RBFOX1: variants seen among roughly 807,000 people sequenced by gnomAD.
RBFOX1 encodes RNA binding protein fox-1 homolog 1.
In RBFOX1, 8 loss-of-function variants were observed where a neutral mutation model predicts 57.7. That is an observed-to-expected ratio of 0.14 (90% confidence interval 0.08 to 0.25). The LOEUF (loss-of-function observed/expected upper bound fraction) is 0.25. Among genes scored for constraint, RBFOX1 ranks in the 10% least tolerant of loss-of-function variants. The pLI, the probability that RBFOX1 is intolerant of heterozygous loss-of-function variation, is 1.00. For missense variants in RBFOX1, 611 were observed against 548.5 expected (o/e 1.11, Z -1.14); for synonymous variants, 326 against 222.4 (o/e 1.47, Z -4.15).
rs562173956 is a variant in RBFOX1 at position 7,034,793 on chromosome 16, C to G, written c.-15-17264C>G. Reference sequence around the variant, plus strand: ...CTCAGAAAATGCAATTTCTAATTCACTTGGTCTGGGGTGGAGTCTAAGATA... The same window carrying G: ...CTCAGAAAATGCAATTTCTAATTCAGTTGGTCTGGGGTGGAGTCTAAGATA... On this transcript the variant is annotated intron_variant, in intron 3 of 15. Transcript: ENST00000550418. Among the ~76,000 whole-genome samples the G allele has an allele frequency of 3.4e-4, 48 of 139,832 alleles. No homozygotes were observed. The South Asian group carries it at 0.011, about 33-fold the overall frequency. The allele number at this position is 139,832 out of a possible 152,430, so 91.7% of individuals were successfully genotyped here. A position where few individuals can be genotyped will look rare whatever the true frequency, so the allele number is the denominator to read the frequency against.
At chr16:5,823,206 T>C (rs562616577) in intron 3 of RBFOX1, among the ~76,000 whole-genome samples, 1 of 152,298 alleles carries the variant, frequency 6.6e-6, no homozygotes, top group Admixed American at 6.5e-5. Context: ...AGTGAGTGGA[T>C]GAACACCCAT....
chr16:7,464,857 T>C (rs113486967), intron 4 of RBFOX1, among the ~76,000 whole-genome samples: 3 of 151,720 alleles, frequency 2.0e-5, no homozygotes, highest in African/African-American at 4.8e-5. Context: ...CCACCACGCC[T>C]GGCTAATTTT....
intron 1 of RBFOX1, among the ~76,000 whole-genome samples, chr16:6,188,522 T>C (rs2097121981): frequency 6.6e-6 from 1 of 151,116 alleles, no homozygotes; most frequent in Non-Finnish European, 1.5e-5. Flanking sequence ...CGCAAAGAGG[T>C]GTATGAAACC....
intron 3 of RBFOX1, among the ~76,000 whole-genome samples, chr16:6,792,377 A>T (rs2083140033): frequency 6.6e-6 from 1 of 152,224 alleles, no homozygotes; most frequent in African/African-American, 2.4e-5. Context: ...GCATATCTTT[A>T]TGCAGAATTA....
chr16:6,603,540 C>G (rs2097883091), intron 2 of RBFOX1, among the ~76,000 whole-genome samples: 1 of 152,152 alleles, frequency 6.6e-6, no homozygotes, highest in Admixed American at 6.5e-5. Flanking sequence ...ACATGCATGC[C>G]TTAGCCCCAC....
At chr16:5,982,539 G>C (rs528311577) in intron 4 of RBFOX1, among the ~76,000 whole-genome samples, 2 of 152,120 alleles carry the variant, frequency 1.3e-5, no homozygotes, top group African/African-American at 2.4e-5. Flanking sequence ...GCCTCCCAAA[G>C]TGCTGGGATT....
At chr16:6,859,990 G>T (rs939590804) in intron 3 of RBFOX1, among the ~76,000 whole-genome samples, 1 of 152,148 alleles carries the variant, frequency 6.6e-6, no homozygotes, top group Non-Finnish European at 1.5e-5. Context: ...ATTGGTTTTT[G>T]CTCATTGACT....
intron 4 of RBFOX1, among the ~76,000 whole-genome samples, chr16:7,103,433 A>G (rs1218195741): frequency 6.6e-6 from 1 of 152,188 alleles, no homozygotes; most frequent in Non-Finnish European, 1.5e-5. Context: ...GCTAGGAAGC[A>G]GAAGGCCACC....
intron 1 of RBFOX1, among the ~76,000 whole-genome samples, chr16:5,447,378 A>ATCTCTCTCTCTCTATC (rs2068277835): frequency 7.4e-6 from 1 of 134,360 alleles, no homozygotes; most frequent in African/African-American, 3.0e-5. Context: ...CAATCAATCA[A>ATCTCTCTCTCTCTATC]TCTCTCTCTC....
At chr16:5,649,178 T>C (rs1163174312) in intron 3 of RBFOX1, among the ~76,000 whole-genome samples, 1 of 152,124 alleles carries the variant, frequency 6.6e-6, no homozygotes, top group Non-Finnish European at 1.5e-5. Flanking sequence ...TATGTATATA[T>C]GTACTTTGTG....
intron 1 of RBFOX1, among the ~76,000 whole-genome samples, chr16:6,125,401 G>C (rs2096582243): frequency 1.3e-5 from 2 of 152,326 alleles, no homozygotes; most frequent in East Asian, 3.9e-4. Context: ...TTGTTTGCCA[G>C]GGCCAGGAGA....
At chr16:6,799,652 T>C (rs542811166) in intron 3 of RBFOX1, among the ~76,000 whole-genome samples, 22 of 152,290 alleles carry the variant, frequency 1.4e-4, no homozygotes, top group African/African-American at 4.6e-4. Flanking sequence ...GTACAGCTCG[T>C]ATAAAGCAGG....
At chr16:6,224,577 C>G (rs1024883917) in intron 1 of RBFOX1, among the ~76,000 whole-genome samples, 1 of 151,924 alleles carries the variant, frequency 6.6e-6, no homozygotes, top group Non-Finnish European at 1.5e-5. Context: ...TTGCTTGTAC[C>G]CTAAAAAAAG....
chr16:6,593,304 A>G (rs901495512), intron 2 of RBFOX1, among the ~76,000 whole-genome samples: 6 of 152,176 alleles, frequency 3.9e-5, no homozygotes, highest in African/African-American at 2.4e-5. Context: ...TACAGGGTGT[A>G]AGTTTACCAG....
At chr16:7,149,694 G>C (rs954226682) in intron 4 of RBFOX1, among the ~76,000 whole-genome samples, 1 of 151,474 alleles carries the variant, frequency 6.6e-6, no homozygotes, top group Non-Finnish European at 1.5e-5. Context: ...TTACAGGCAT[G>C]AGCCACCAGG....
At chr16:5,713,917 G>C (rs1181783581) in intron 3 of RBFOX1, among the ~76,000 whole-genome samples, 2 of 152,202 alleles carry the variant, frequency 1.3e-5, no homozygotes, top group Admixed American at 1.3e-4. Flanking sequence ...CAATCTTCCA[G>C]TGACCTCTTT....
intron 1 of RBFOX1, among the ~76,000 whole-genome samples, chr16:5,322,997 T>G (rs530607070): frequency 6.8e-6 from 1 of 147,750 alleles, no homozygotes; most frequent in South Asian, 2.2e-4. Context: ...GGCTTCAAAG[T>G]CAGACCTGAC....
At chr16:6,130,152 CTTAA>C (rs1421639273) in intron 1 of RBFOX1, among the ~76,000 whole-genome samples, 1 of 151,988 alleles carries the variant, frequency 6.6e-6, no homozygotes, top group Non-Finnish European at 1.5e-5. Context: ...TTTCACTTCT[CTTAA>C]TTTATTTGGG....
intron 3 of RBFOX1, among the ~76,000 whole-genome samples, chr16:5,752,561 T>C (rs2053247476): frequency 6.6e-6 from 1 of 152,198 alleles, no homozygotes; most frequent in South Asian, 2.1e-4. Context: ...AATAAATTGC[T>C]TCATGGGCCA....
Sources: allele counts gnomAD v4.1 joint callset (sites outside exome capture counted in the v4.1 genomes callset), GRCh38; gene constraint gnomAD v4.1.1; transcripts MANE v1.5; gene names NCBI Gene and HGNC (gene_info 2026-07-23, HGNC 2026-07-21).